The following POLR3A variants were observed in gnomAD, a reference collection of about 807,000 sequenced individuals.
POLR3A encodes the protein DNA-directed RNA polymerase III subunit RPC1.
In POLR3A, 112 loss-of-function variants were observed where a neutral mutation model predicts 152.8. The ratio of observed to expected loss-of-function variants is 0.73; its 90% CI spans 0.63 to 0.86. The LOEUF (loss-of-function observed/expected upper bound fraction) is 0.86. POLR3A is among the 40% of genes least tolerant of loss of function. The pLI is 0.00. For synonymous variants in POLR3A, 615 were observed against 652.1 expected (o/e 0.94, Z 0.87); for missense variants, 1,385 against 1,743.1 (o/e 0.79, Z 3.66).
At chr10:78,002,706 T>A (rs919648203) in intron 16 of POLR3A, among the ~76,000 whole-genome samples, 9 of 151,986 alleles carry the variant, frequency 5.9e-5, no homozygotes, top group African/African-American at 1.2e-4. Flanking sequence ...GGCTAATTTT[T>A]AAAATTTTTT....
chr10:77,989,042 C>T (rs1192108549), intron 21 of POLR3A, among the ~76,000 whole-genome samples: 1 of 149,854 alleles, frequency 6.7e-6, no homozygotes, highest in East Asian at 2.0e-4. Flanking sequence ...GGACACATTT[C>T]CCGTGGGTTT....
rs1179433789 is a variant in POLR3A, at chr10:78,009,882, T to A, written c.1752A>T (p.Pro584=). 2 of 1,614,026 alleles carry A rather than the reference T, an allele frequency of 1.2e-6. No homozygotes were observed. The highest frequency in any genetic ancestry group is 3.3e-5 in the Admixed American group (2 of 59,982). The change falls in exon 13 of 31, where the codon CCA becomes CCT. Residue 584 remains proline, a synonymous_variant. Transcript: ENST00000372371. The stretch of plus-strand genomic sequence containing the variant: ...CACACACCTTTAGGATTGTAGGCGG[T>A]GGGAGGCGAACTTTAATTTTCTCAT... ...GKDEKIKVRL[P]PPTILKPVTL...
intron 15 of POLR3A, among the ~76,000 whole-genome samples, chr10:78,005,199 T>C (rs960519132): frequency 2.0e-5 from 3 of 152,204 alleles, no homozygotes; most frequent in Non-Finnish European, 2.9e-5. Context: ...CATTAAACAC[T>C]AAAGGGTGGC....
At chr10:77,982,074 A>G (rs1458098623) in intron 28 of POLR3A, 80 bp downstream of exon 28, 1 of 842,630 alleles carries the variant, frequency 1.2e-6, no homozygotes, top group Non-Finnish European at 2.0e-6. Flanking sequence ...AAAGAAGTAT[A>G]CTGGGAATCA....
At chr10:78,028,614 C>T (rs969945273) in intron 1 of POLR3A, among the ~76,000 whole-genome samples, 1 of 151,890 alleles carries the variant, frequency 6.6e-6, no homozygotes, top group Non-Finnish European at 1.5e-5. Context: ...AGTGATTTTT[C>T]GGCCTCAGCC....
At chr10:78,013,413 A>G (rs1847485504) in intron 11 of POLR3A, 2 of 533,182 alleles carry the variant, frequency 3.8e-6, no homozygotes, top group East Asian at 6.6e-5. Context: ...AATCCCCTCA[A>G]CGCATCTGTT....
At position 78,000,045 on chromosome 10, in the gene POLR3A, G is replaced by A; in HGVS notation, c.2552C>T (p.Thr851Ile). ...GACTAGACCTTCCCGGCCGGCCATT[G>A]TGTGGAAGAAAAACTCAGTTGGTGT... is the stretch of plus-strand genomic sequence containing the variant. The part of the protein sequence containing the change: ...GLTPTEFFFH[T>I]MAGREGLVDT... Residue 851 changes from threonine (T) to isoleucine (I), a missense_variant, in exon 19 of 31, where the codon ACA (threonine) becomes ATA (isoleucine). Transcript: ENST00000372371. 6.2e-7 allele frequency: 1 copy of A among 1,614,022 alleles called. No homozygotes were observed. The highest frequency in any genetic ancestry group is 8.5e-7 in the Non-Finnish European group (1 of 1,179,928).
chr10:78,027,393 C>A (rs1176811294), intron 1 of POLR3A, among the ~76,000 whole-genome samples: 1 of 151,548 alleles, frequency 6.6e-6, no homozygotes, highest in Non-Finnish European at 1.5e-5. Context: ...GGTGCGGTGG[C>A]TCATGCCTGT....
intron 20 of POLR3A, among the ~76,000 whole-genome samples, chr10:77,991,418 C>T (rs1294364401): frequency 2.6e-5 from 4 of 152,170 alleles, no homozygotes; most frequent in Non-Finnish European, 4.4e-5. Context: ...TCCCAGCCTT[C>T]GCCACCCCAC....
chr10:77,985,094 A>G (rs1393564918), intron 24 of POLR3A, 76 bp downstream of exon 24: 2 of 1,183,574 alleles, frequency 1.7e-6, no homozygotes, highest in Non-Finnish European at 2.5e-6. Context: ...ACACATATGC[A>G]TGTGACACGG....
chr10:77,997,409 C>T (rs1414622141), intron 19 of POLR3A, among the ~76,000 whole-genome samples: 1 of 152,084 alleles, frequency 6.6e-6, no homozygotes, highest in South Asian at 2.1e-4. Flanking sequence ...GCTAGAAAAC[C>T]CAATCGTTTC....
chr10:78,024,309 A>C (rs901318489), intron 5 of POLR3A, among the ~76,000 whole-genome samples: 2 of 151,606 alleles, frequency 1.3e-5, no homozygotes, highest in African/African-American at 4.9e-5. Flanking sequence ...GGTTGCAGTG[A>C]ACCAAGATTT....
intron 19 of POLR3A, among the ~76,000 whole-genome samples, chr10:77,997,007 C>A (rs1847308455): frequency 6.6e-6 from 1 of 152,168 alleles, no homozygotes; most frequent in Non-Finnish European, 1.5e-5. Flanking sequence ...GCTGGTTCCA[C>A]ATACACAGAT....
chr10:78,000,219 A>G (rs1237357782), intron 18 of POLR3A, 101 bp from the exon 19 acceptor site: 2 of 974,760 alleles, frequency 2.1e-6, no homozygotes, highest in Non-Finnish European at 3.2e-6. Context: ...TGAGACTATA[A>G]ATACCTGGCC....
intron 10 of POLR3A, among the ~76,000 whole-genome samples, chr10:78,016,549 A>G (rs765745941): frequency 6.6e-6 from 1 of 152,092 alleles, no homozygotes; most frequent in Non-Finnish European, 1.5e-5. Flanking sequence ...TCCTGCCTCA[A>G]CTAAAAATAC....
intron 5 of POLR3A, 82 bp downstream of exon 5, chr10:78,024,467 T>G: frequency 6.9e-7 from 1 of 1,442,976 alleles, no homozygotes; most frequent in Non-Finnish European, 9.6e-7. Flanking sequence ...TGGGGCGGAG[T>G]TGGGGGAGAG....
rs1172201222 is a variant in POLR3A at position 78,002,324 on chromosome 10, G to A, written c.2248-16C>T. 3 of 1,486,934 alleles carry A rather than the reference G, an allele frequency of 2.0e-6. No individual in the cohort carries two copies. The Admixed American group carries it at 5.6e-5, about 28-fold the overall frequency. The allele number at this position is 1,486,934 out of a possible 1,614,324, so 92.1% of individuals were successfully genotyped here. A position where few individuals can be genotyped will look rare whatever the true frequency, so the allele number is the denominator to read the frequency against. On this transcript the variant is annotated splice_polypyrimidine_tract_variant and intron_variant, in intron 16 of 30. Transcript: ENST00000372371. ...GGATCAGTGCCTAGTGGGAGAAAAG[G>A]AGATCCTTGGTGGGTTGTCCTCATT...
intron 19 of POLR3A, among the ~76,000 whole-genome samples, chr10:77,996,452 A>G (rs575991056): frequency 1.7e-4 from 26 of 152,324 alleles, no homozygotes; most frequent in African/African-American, 6.0e-4. Context: ...AGAATCAAAT[A>G]GATGCAATAA....
At chr10:77,992,252 C>G (rs1847256125) in intron 20 of POLR3A, among the ~76,000 whole-genome samples, 1 of 150,674 alleles carries the variant, frequency 6.6e-6, no homozygotes, top group Non-Finnish European at 1.5e-5. Context: ...AGACTTTCAA[C>G]TGAAAACAAC....
Sources: gnomAD v4.1 joint callset for allele counts (sites outside exome capture counted in the v4.1 genomes callset) on GRCh38, gnomAD v4.1.1 for gene constraint, MANE v1.5 for transcripts, NCBI Gene and HGNC (gene_info 2026-07-23, HGNC 2026-07-21) for gene names.